PCDH9: variants seen among roughly 807,000 people sequenced by gnomAD.
PCDH9 encodes protocadherin 9.
In PCDH9, 24 loss-of-function variants were observed where a neutral mutation model predicts 70.6. That is an observed-to-expected ratio of 0.34 (90% CI 0.25 to 0.48). The LOEUF is 0.48. Ranked by LOEUF, PCDH9 falls within the 20% of genes least tolerant of loss-of-function variation. PCDH9 has a pLI of 0.99. For synonymous variants in PCDH9, 562 were observed against 558.5 expected (o/e 1.01, Z -0.09); for missense variants, 1,281 against 1,503.6 (o/e 0.85, Z 2.45).
intron 2 of PCDH9, among the ~76,000 whole-genome samples, chr13:66,918,672 C>T (rs1157298186): frequency 6.6e-6 from 1 of 150,872 alleles, no homozygotes; most frequent in Non-Finnish European, 1.5e-5. Context: ...ATAAAATAGA[C>T]CCACTATTTT....
chr13:66,858,520 G>A (rs1313216080), intron 3 of PCDH9, among the ~76,000 whole-genome samples: 2 of 152,140 alleles, frequency 1.3e-5, no homozygotes, highest in African/African-American at 4.8e-5. Context: ...AACACTCATT[G>A]GCACATAATT....
chr13:67,192,911 A>G (rs2088957047), intron 2 of PCDH9, among the ~76,000 whole-genome samples: 2 of 152,176 alleles, frequency 1.3e-5, no homozygotes, highest in South Asian at 4.1e-4. Flanking sequence ...TTCAACGAGT[A>G]GCAGAAAGGG....
chr13:66,616,046 C>G (rs766294330), intron 4 of PCDH9, among the ~76,000 whole-genome samples: 1 of 152,154 alleles, frequency 6.6e-6, no homozygotes, highest in Non-Finnish European at 1.5e-5. Flanking sequence ...CTTACAGAGC[C>G]GATAGAAGCC....
chr13:67,212,144 A>G (rs961520499), intron 2 of PCDH9: 3 of 152,254 alleles, frequency 2.0e-5, no homozygotes, highest in Non-Finnish European at 2.9e-5. Context: ...TGTGATTTTA[A>G]GAATGAAAAA....
At chr13:66,879,856 A>C (rs1266733578) in intron 3 of PCDH9, among the ~76,000 whole-genome samples, 1 of 152,202 alleles carries the variant, frequency 6.6e-6, no homozygotes, top group Non-Finnish European at 1.5e-5. Context: ...TAAAATTAAA[A>C]AGCAGAACAG....
intron 4 of PCDH9, among the ~76,000 whole-genome samples, chr13:66,540,067 G>T (rs571321790): frequency 6.6e-6 from 1 of 151,296 alleles, no homozygotes; most frequent in African/African-American, 2.4e-5. Flanking sequence ...GCAGAGACAG[G>T]GTTTCACTAT....
At chr13:66,519,791 A>T (rs1465886753) in intron 4 of PCDH9, among the ~76,000 whole-genome samples, 1 of 152,102 alleles carries the variant, frequency 6.6e-6, no homozygotes, top group East Asian at 1.9e-4. Flanking sequence ...TTGCAGACCG[A>T]AGCAGCTCTC....
chr13:66,928,108 T>C (rs2082745293), intron 2 of PCDH9, among the ~76,000 whole-genome samples: 1 of 152,104 alleles, frequency 6.6e-6, no homozygotes, highest in South Asian at 2.1e-4. Flanking sequence ...AAGAACACTA[T>C]ACTGGGTGTC....
At chr13:66,664,011 C>T (rs1183199938) in intron 3 of PCDH9, among the ~76,000 whole-genome samples, 1 of 152,158 alleles carries the variant, frequency 6.6e-6, no homozygotes, top group Non-Finnish European at 1.5e-5. Flanking sequence ...CAGACTTTCA[C>T]CTAGAATTCT....
At chr13:66,964,700 T>C (rs925123522) in intron 2 of PCDH9, among the ~76,000 whole-genome samples, 1 of 152,082 alleles carries the variant, frequency 6.6e-6, no homozygotes, top group Non-Finnish European at 1.5e-5. Flanking sequence ...CTTGGCAAAA[T>C]GTCTGTCAGA....
intron 4 of PCDH9, among the ~76,000 whole-genome samples, chr13:66,462,759 A>G (rs998437911): frequency 2.0e-5 from 3 of 151,668 alleles, no homozygotes; most frequent in African/African-American, 7.3e-5. Flanking sequence ...TTAATACATC[A>G]CAAGCTTTAG....
At chr13:66,512,680 A>G (rs1189747466) in intron 4 of PCDH9, among the ~76,000 whole-genome samples, 1 of 145,808 alleles carries the variant, frequency 6.9e-6, no homozygotes, top group Non-Finnish European at 1.5e-5. Context: ...GACTTATCAC[A>G]AAAAGAAAAA....
intron 4 of PCDH9, among the ~76,000 whole-genome samples, chr13:66,339,114 G>C (rs1051034884): frequency 2.0e-5 from 3 of 152,022 alleles, no homozygotes; most frequent in African/African-American, 7.2e-5. Flanking sequence ...TAGACCAGAA[G>C]AGAGAAAACG....
chr13:66,400,890 T>C (rs1957172956), intron 4 of PCDH9, among the ~76,000 whole-genome samples: 1 of 152,232 alleles, frequency 6.6e-6, no homozygotes, highest in South Asian at 2.1e-4. Flanking sequence ...CTCTGTGCTT[T>C]AGAAGTTAAG....
chr13:66,404,774 T>C (rs561698083), intron 4 of PCDH9, among the ~76,000 whole-genome samples: 1 of 152,130 alleles, frequency 6.6e-6, no homozygotes, highest in African/African-American at 2.4e-5. Context: ...CATCTTTACC[T>C]TCATGCCTTT....
At chr13:66,487,701 C>T (rs965504491) in intron 4 of PCDH9, among the ~76,000 whole-genome samples, 1 of 152,146 alleles carries the variant, frequency 6.6e-6, no homozygotes, top group East Asian at 1.9e-4. Context: ...CTTCAAATCC[C>T]TATCAAGTTA....
intron 2 of PCDH9, among the ~76,000 whole-genome samples, chr13:66,936,772 GT>G (rs1393221494): frequency 6.6e-6 from 1 of 152,184 alleles, no homozygotes; most frequent in Non-Finnish European, 1.5e-5. Context: ...ATTAATAATA[GT>G]GAGCTATCAG....
At chr13:66,932,681 T>TACACAC (rs200773193) in intron 2 of PCDH9, among the ~76,000 whole-genome samples, 11 of 114,842 alleles carry the variant, frequency 9.6e-5, no homozygotes, top group African/African-American at 3.8e-4. Context: ...TATATATATA[T>TACACAC]ACACACACAC....
At chr13:66,817,159 C>T (rs976430407) in intron 3 of PCDH9, among the ~76,000 whole-genome samples, 2 of 152,040 alleles carry the variant, frequency 1.3e-5, no homozygotes, top group East Asian at 1.9e-4. Context: ...TATTCAAATA[C>T]TATGCTATTT....
Sources: allele counts gnomAD v4.1 joint callset (sites outside exome capture counted in the v4.1 genomes callset), GRCh38; gene constraint gnomAD v4.1.1; transcripts MANE v1.5; gene names NCBI Gene and HGNC (gene_info 2026-07-23, HGNC 2026-07-21).